Variants in LYPLAL1 observed in about 807,000 individuals in gnomAD.
LYPLAL1 encodes lysophospholipase like 1.
In LYPLAL1, 23 loss-of-function variants were observed where a neutral mutation model predicts 19.7. That is an observed-to-expected ratio of 1.17 (90% confidence interval 0.84 to 1.65). The LOEUF is 1.65. LYPLAL1 is among the 40% of genes most tolerant of loss of function. The pLI is 0.00. For missense variants in LYPLAL1, 355 were observed against 279.4 expected (o/e 1.27, Z -1.93); for synonymous variants, 119 against 96.3 (o/e 1.24, Z -1.38).
At chr1:219,441,955 T>C in the LYPLAL1 span, among the ~76,000 whole-genome samples, 10 of 152,056 alleles carry the variant, frequency 6.6e-5, no homozygotes, top group African/African-American at 2.4e-4. Context: ...TGAGAGCAAT[T>C]CCAAAAATAC....
At chr1:219,230,713 A>G in the LYPLAL1 span, among the ~76,000 whole-genome samples, 1 of 152,236 alleles carries the variant, frequency 6.6e-6, no homozygotes, top group Non-Finnish European at 1.5e-5. Context: ...TTGGTTCTTA[A>G]TGCCTAAAGT....
chr1:219,362,934 G>A, the LYPLAL1 span, among the ~76,000 whole-genome samples: 1 of 151,682 alleles, frequency 6.6e-6, no homozygotes, highest in African/African-American at 2.4e-5. Context: ...GGCAGGAAGG[G>A]GATAGATGGA....
At chr1:219,297,006 G>A in the LYPLAL1 span, among the ~76,000 whole-genome samples, 2 of 152,224 alleles carry the variant, frequency 1.3e-5, no homozygotes, top group African/African-American at 2.4e-5. Flanking sequence ...ACTGGGAAAA[G>A]TGAGTTAGAT....
the LYPLAL1 span, among the ~76,000 whole-genome samples, chr1:219,267,155 G>C: frequency 6.6e-6 from 1 of 152,028 alleles, no homozygotes; most frequent in South Asian, 2.1e-4. Context: ...AATTCTCTTT[G>C]TGGGTTTCCA....
At chr1:219,259,546 A>C in the LYPLAL1 span, among the ~76,000 whole-genome samples, 2 of 151,502 alleles carry the variant, frequency 1.3e-5, no homozygotes, top group Non-Finnish European at 2.9e-5. Context: ...GGAATGGAAA[A>C]ATCAAACATC....
the LYPLAL1 span, among the ~76,000 whole-genome samples, chr1:219,385,515 A>C: frequency 1.3e-5 from 2 of 150,200 alleles, no homozygotes; most frequent in Non-Finnish European, 3.0e-5. Flanking sequence ...ACGAGTCCTC[A>C]TTTTGGACTC....
chr1:219,313,217 A>G, the LYPLAL1 span, among the ~76,000 whole-genome samples: 1 of 152,222 alleles, frequency 6.6e-6, no homozygotes, highest in African/African-American at 2.4e-5. Flanking sequence ...ACAAGTGGAA[A>G]GGAGTTCACT....
At chr1:219,358,854 G>A in the LYPLAL1 span, among the ~76,000 whole-genome samples, 76 of 151,912 alleles carry the variant, frequency 5.0e-4, 3 homozygotes, top group South Asian at 2.1e-4. Flanking sequence ...GTGTGTGTGC[G>A]GTCATCTGGG....
chr1:219,235,481 T>G, the LYPLAL1 span, among the ~76,000 whole-genome samples: 3 of 152,224 alleles, frequency 2.0e-5, no homozygotes, highest in African/African-American at 7.2e-5. Flanking sequence ...GGGATCTGAC[T>G]TGACATCAAT....
chr1:219,298,789 G>A, the LYPLAL1 span, among the ~76,000 whole-genome samples: 1 of 152,208 alleles, frequency 6.6e-6, no homozygotes, highest in African/African-American at 2.4e-5. Context: ...CTACACTGAT[G>A]TATTCTCTCC....
chr1:219,290,787 A>G, the LYPLAL1 span, among the ~76,000 whole-genome samples: 3 of 152,102 alleles, frequency 2.0e-5, no homozygotes, highest in East Asian at 5.8e-4. Context: ...CTGGATTGGG[A>G]CCCCTAACAT....
the LYPLAL1 span, among the ~76,000 whole-genome samples, chr1:219,314,418 T>G: frequency 3.3e-5 from 5 of 152,330 alleles, no homozygotes; most frequent in East Asian, 9.7e-4. Context: ...CCGCAATGGT[T>G]GACAGAGAGT....
chr1:219,344,618 G>A, the LYPLAL1 span, among the ~76,000 whole-genome samples: 1 of 151,986 alleles, frequency 6.6e-6, no homozygotes, highest in South Asian at 2.1e-4. Flanking sequence ...GAATATTACT[G>A]CCCCACCCTA....
At chr1:219,202,343 G>C (rs145249407) in intron 3 of LYPLAL1, among the ~76,000 whole-genome samples, 2 of 152,290 alleles carry the variant, frequency 1.3e-5, no homozygotes, top group African/African-American at 2.4e-5. Context: ...AGGCCACACT[G>C]GAACAGTGGT....
chr1:219,373,956 C>T, the LYPLAL1 span, among the ~76,000 whole-genome samples: 3 of 151,270 alleles, frequency 2.0e-5, no homozygotes, highest in Non-Finnish European at 4.4e-5. Flanking sequence ...ACCAAACCTC[C>T]AAAAGGAAAA....
chr1:219,393,207 A>G, the LYPLAL1 span, among the ~76,000 whole-genome samples: 2 of 152,216 alleles, frequency 1.3e-5, no homozygotes, highest in African/African-American at 4.8e-5. Flanking sequence ...ACAGATGGCC[A>G]TGAAGAGGCC....
chr1:219,421,004 C>G, the LYPLAL1 span, among the ~76,000 whole-genome samples: 2 of 152,098 alleles, frequency 1.3e-5, no homozygotes, highest in Non-Finnish European at 2.9e-5. Context: ...TAAGCAAATA[C>G]TCCTGGGAAA....
chr1:219,328,758 A>G, the LYPLAL1 span, among the ~76,000 whole-genome samples: 1 of 152,212 alleles, frequency 6.6e-6, no homozygotes, highest in African/African-American at 2.4e-5. Context: ...TTACACTTGT[A>G]CTACTAGTGC....
chr1:219,299,016 T>G, the LYPLAL1 span, among the ~76,000 whole-genome samples: 1 of 152,210 alleles, frequency 6.6e-6, no homozygotes, highest in South Asian at 2.1e-4. Context: ...GAGACTTAAT[T>G]TTAGAGCATT....
Sources: gnomAD v4.1 joint callset for allele counts (sites outside exome capture counted in the v4.1 genomes callset) on GRCh38, gnomAD v4.1.1 for gene constraint, MANE v1.5 for transcripts, NCBI Gene and HGNC (gene_info 2026-07-23, HGNC 2026-07-21) for gene names.